The following ENOX1 variants were observed in gnomAD, a reference collection of about 807,000 sequenced individuals.
ENOX1 encodes the protein ecto-NOX disulfide-thiol exchanger 1.
ENOX1 carries 42 observed loss-of-function variants against 82.5 expected under a neutral mutation model. The observed-to-expected ratio is 0.51, with a 90% CI of 0.40 to 0.66. ENOX1 has a LOEUF of 0.66. ENOX1 is among the 30% of genes least tolerant of loss of function. The pLI is 0.00. For synonymous variants in ENOX1, 271 were observed against 282.2 expected, an observed-to-expected ratio of 0.96 and a Z score of 0.40; for missense variants, 608 against 811.6, an observed-to-expected ratio of 0.75 and a Z score of 3.05.
chr13:43,425,251 C>T (rs1403498265), intron 3 of ENOX1, among the ~76,000 whole-genome samples: 2 of 151,980 alleles, frequency 1.3e-5, no homozygotes, highest in African/African-American at 4.8e-5. Flanking sequence ...CCCTCATAAC[C>T]CAGAAAACCT....
At position 43,326,432 on chromosome 13, in the gene ENOX1, C is replaced by T. The variant is rs747018395; in HGVS notation, c.1130G>A (p.Arg377Gln). ...KAQRKNIDIWRKHSEELRNAQ... is the reference protein window; with the variant it reads ...KAQRKNIDIWQKHSEELRNAQ... ...AAAATCACCAACCTCAGAATGCTTTCGCCAAATGTCTATGTTCTTGCGCTG... is the reference window on the plus strand; with the variant it reads ...AAAATCACCAACCTCAGAATGCTTTTGCCAAATGTCTATGTTCTTGCGCTG... The change falls in exon 10 of 17, where the codon CGA (arginine) becomes CAA (glutamine). Residue 377 changes from arginine (R) to glutamine (Q), a missense_variant. Transcript: ENST00000690772. The T allele has an allele frequency of 9.3e-6, 15 of 1,613,876 alleles. No homozygotes were observed. The highest frequency in any genetic ancestry group is 4.0e-5 in the African/African-American group (3 of 74,894).
At chr13:43,756,179 G>A (rs1460783922) in intron 1 of ENOX1, among the ~76,000 whole-genome samples, 1 of 152,146 alleles carries the variant, frequency 6.6e-6, no homozygotes, top group South Asian at 2.1e-4. Flanking sequence ...TGTAATCCCA[G>A]CACTTGGGAG....
chr13:43,309,487 A>C (rs4942208), intron 11 of ENOX1, among the ~76,000 whole-genome samples: 145,119 of 152,216 alleles, frequency 0.95, 69,595 homozygotes, highest in East Asian at 1. Context: ...AGTGCTTAGT[A>C]AGGCCCGACA....
chr13:43,755,398 G>A (rs1344012404), intron 1 of ENOX1, among the ~76,000 whole-genome samples: 1 of 152,148 alleles, frequency 6.6e-6, no homozygotes, highest in Non-Finnish European at 1.5e-5. Context: ...TTGTGTCACA[G>A]TCATTCAGGA....
At chr13:43,615,863 T>TTATATATATATATC (rs2082386249) in intron 2 of ENOX1, among the ~76,000 whole-genome samples, 1 of 151,778 alleles carries the variant, frequency 6.6e-6, no homozygotes, top group South Asian at 2.1e-4. Context: ...TGTTCCTGTG[T>TTATATATATATATC]TAGTTTGCTG....
chr13:43,320,557 T>C (rs1221011320), intron 11 of ENOX1, among the ~76,000 whole-genome samples: 1 of 152,220 alleles, frequency 6.6e-6, no homozygotes, highest in African/African-American at 2.4e-5. Context: ...GTGAGCATAC[T>C]ATTCAGAGTC....
rs998933287 is a variant in ENOX1, at chr13:43,603,634, G to A, written c.-219+63845C>T. ...TTCCCACCTATGAGTGAGAATATGCGGTGTTTGGTTTTTTGTTCTTGCAAT... is the reference window on the plus strand; with the variant it reads ...TTCCCACCTATGAGTGAGAATATGCAGTGTTTGGTTTTTTGTTCTTGCAAT... On this transcript the variant is annotated intron_variant, in intron 2 of 16. Coordinates refer to ENST00000690772, the MANE Select transcript of ENOX1 (RefSeq NM_001347969.2). Among the ~76,000 whole-genome samples the A allele has an allele frequency of 1.3e-4, 18 of 143,366 alleles. No individual in the cohort carries two copies. The East Asian group carries it at 1.3e-3, about 10-fold the overall frequency. The allele number at this position is 143,366 out of a possible 152,430, so 94.1% of individuals were successfully genotyped here.
At chr13:43,494,462 G>A (rs184676189) in intron 2 of ENOX1, among the ~76,000 whole-genome samples, 2 of 152,312 alleles carry the variant, frequency 1.3e-5, no homozygotes, top group African/African-American at 4.8e-5. Flanking sequence ...TTCTCCAGCA[G>A]TGTCTTCATA....
At chr13:43,584,229 C>T (rs1349094513) in intron 2 of ENOX1, among the ~76,000 whole-genome samples, 2 of 152,146 alleles carry the variant, frequency 1.3e-5, no homozygotes, top group Admixed American at 6.5e-5. Context: ...GGAAAGAAGT[C>T]GGGATGGAAC....
At chr13:43,377,940 G>A (rs2051759291) in intron 5 of ENOX1, among the ~76,000 whole-genome samples, 1 of 152,148 alleles carries the variant, frequency 6.6e-6, no homozygotes, top group African/African-American at 2.4e-5. Flanking sequence ...GCCAGCATCT[G>A]TTCTGCTTGG....
At chr13:43,331,376 C>T (rs1308447635) in intron 9 of ENOX1, among the ~76,000 whole-genome samples, 1 of 152,136 alleles carries the variant, frequency 6.6e-6, no homozygotes, top group African/African-American at 2.4e-5. Context: ...TGATTTAGTC[C>T]TTAAAGGCAG....
rs536930966 is a variant in ENOX1, at chr13:43,761,729, C to G, written c.-285+24923G>C. Among the ~76,000 whole-genome samples, 14 of 152,274 alleles carry G rather than the reference C, an allele frequency of 9.2e-5. No individual in the cohort carries two copies. The East Asian group carries it at 2.5e-3, about 27-fold the overall frequency. On this transcript the variant is annotated intron_variant, in intron 1 of 16. Coordinates refer to ENST00000690772, the MANE Select transcript of ENOX1 (RefSeq NM_001347969.2). ...GAATATAACATTTTAAAGTGCTCAC[C>G]ATGTTCTTGCAGCTTTAAGCCAAAT...
chr13:43,676,326 AT>A lies in ENOX1; in HGVS notation c.-284-8783del, dbSNP rs140116006. ...TGAAATTACCACTAAAATAAGTCAGATCATATTTAAAGACACATGCTAGGGG... is the reference window on the plus strand; with the variant it reads ...TGAAATTACCACTAAAATAAGTCAGACATATTTAAAGACACATGCTAGGGG... On this transcript the variant is annotated intron_variant, in intron 1 of 16. Coordinates refer to ENST00000690772, the MANE Select transcript of ENOX1 (RefSeq NM_001347969.2). Among the ~76,000 whole-genome samples the A allele has an allele frequency of 7.9e-3, 1,198 of 152,332 alleles. 18 individuals are homozygous for A. Among genetic ancestry groups the A allele is most frequent in the African/African-American group, 0.028 (1,159 of 41,582 alleles).
intron 14 of ENOX1, among the ~76,000 whole-genome samples, chr13:43,254,118 C>T (rs913354714): frequency 6.6e-6 from 1 of 151,886 alleles, no homozygotes; most frequent in Non-Finnish European, 1.5e-5. Flanking sequence ...AAATTAATCA[C>T]TCTTCTTAAT....
At chr13:43,622,815 A>T (rs1028820673) in intron 2 of ENOX1, among the ~76,000 whole-genome samples, 41 of 152,046 alleles carry the variant, frequency 2.7e-4, no homozygotes, top group African/African-American at 9.7e-4. Flanking sequence ...GGGGTCCTAG[A>T]ATTCCTAAGA....
At chr13:43,489,726 A>G (rs1043838115) in intron 2 of ENOX1, among the ~76,000 whole-genome samples, 4 of 152,184 alleles carry the variant, frequency 2.6e-5, no homozygotes, top group Non-Finnish European at 5.9e-5. Context: ...ATGCTCAACA[A>G]TATTGTCATA....
chr13:43,593,595 G>A (rs1221881450), intron 2 of ENOX1, among the ~76,000 whole-genome samples: 1 of 151,426 alleles, frequency 6.6e-6, no homozygotes, highest in East Asian at 1.9e-4. Flanking sequence ...GCCAACAAGG[G>A]CGCCCTCACC....
In ENOX1 at chr13:43,333,204, A is replaced by G. The variant is rs528573337; in HGVS notation, c.1037-6679T>C. Among the ~76,000 whole-genome samples, 5 of 152,314 alleles carry G rather than the reference A, an allele frequency of 3.3e-5. No individual in the cohort carries two copies. In the South Asian group the frequency reaches 1.0e-3, roughly 32 times the overall value. ...TTATAAAAAATTCTTAGCAGTAGAA[A>G]GGCTAGATAAAAGAGCACCTGAATT... On this transcript the variant is annotated intron_variant, in intron 9 of 16. Transcript: ENST00000690772.
intron 2 of ENOX1, among the ~76,000 whole-genome samples, chr13:43,509,326 C>T (rs769436464): frequency 2.0e-4 from 31 of 152,194 alleles, no homozygotes; most frequent in Non-Finnish European, 4.4e-4. Flanking sequence ...CAATGGATGA[C>T]TGCTTAAATT....
Sources: gnomAD v4.1 joint callset for allele counts (sites outside exome capture counted in the v4.1 genomes callset) on GRCh38, gnomAD v4.1.1 for gene constraint, MANE v1.5 for transcripts, NCBI Gene and HGNC (gene_info 2026-07-23, HGNC 2026-07-21) for gene names.